FRYL: variants seen among roughly 807,000 people sequenced by gnomAD.
FRYL encodes the protein protein furry homolog-like.
In FRYL, 150 loss-of-function variants were observed where a neutral mutation model predicts 351.2. That is an observed-to-expected ratio of 0.43 (90% CI 0.37 to 0.49). FRYL has a LOEUF of 0.49. Ranked by LOEUF, FRYL falls within the 20% of genes least tolerant of loss-of-function variation. The pLI, the probability that FRYL is intolerant of heterozygous loss-of-function variation, is 0.00. For synonymous variants in FRYL, 1,153 were observed against 1,257.1 expected (o/e 0.92, Z 1.75); for missense variants, 3,036 against 3,619.3 (o/e 0.84, Z 4.13).
At chr4:48,546,975 T>C (rs1363957984) in intron 41 of FRYL, among the ~76,000 whole-genome samples, 1 of 6,140 alleles carries the variant, frequency 1.6e-4, no homozygotes, top group Admixed American at 2.9e-3. Context: ...CACTGTATGA[T>C]TAGAAAAAAA....
intron 1 of FRYL, among the ~76,000 whole-genome samples, chr4:48,742,973 ATTTTTTTTTTTTT>A: frequency 2.4e-5 from 2 of 81,750 alleles, no homozygotes; most frequent in African/African-American, 8.9e-5. Flanking sequence ...CGCCTGGATA[ATTTTTTTTTTTTT>A]TTTTTTTTTT....
intron 1 of FRYL, among the ~76,000 whole-genome samples, chr4:48,718,770 A>AT (rs1165586240): frequency 6.6e-6 from 1 of 151,240 alleles, no homozygotes; most frequent in Non-Finnish European, 1.5e-5. Context: ...TTTTTTTCAC[A>AT]TATCTCTCAG....
chr4:48,504,738 A>C (rs1720526644), intron 60 of FRYL, among the ~76,000 whole-genome samples: 1 of 152,162 alleles, frequency 6.6e-6, no homozygotes, highest in African/African-American at 2.4e-5. Flanking sequence ...CTGAGTTGTA[A>C]GGATAAAGAA....
chr4:48,527,659 GC>G lies in FRYL; in HGVS notation c.7141-7del. 6.8e-7 allele frequency: 1 copy of G among 1,479,292 alleles called. No individual in the cohort carries two copies. 91.6% of individuals were successfully genotyped at this position (1,479,292 alleles called of 1,614,324 possible). ...TCATTAGAAGAAAATACAACCTGAT[GC>G]CCGATTAAAAAAAAAAAAAAAGTCC... On this transcript the variant is annotated splice_polypyrimidine_tract_variant and splice_region_variant and intron_variant, in intron 52 of 63. Transcript: ENST00000358350.
chr4:48,628,464 T>TGTGTGTGTG, intron 4 of FRYL, among the ~76,000 whole-genome samples: 2 of 49,640 alleles, frequency 4.0e-5, no homozygotes, highest in Non-Finnish European at 1.1e-4. Context: ...GTGTGTGTGT[T>TGTGTGTGTG]TAAAGGTGAT....
chr4:48,540,801 G>A lies in FRYL; in HGVS notation c.5847C>T (p.Asp1949=), dbSNP rs1729988651. The A allele has an allele frequency of 3.7e-6, 6 of 1,613,820 alleles. No homozygotes were observed. In the East Asian group the frequency reaches 1.3e-4, roughly 36 times the overall value. Residue 1949 remains aspartate, a synonymous_variant, in exon 46 of 64, where the codon GAC becomes GAT. Transcript: ENST00000358350. ...SNSLRLSLIG[D]RRGDRRRSNT... The stretch of plus-strand genomic sequence containing the variant: ...TACTCCGCCGCCGGTCACCTCGTCG[G>A]TCACCAATCAAACTTAATCTCAAAG...
chr4:48,516,064 T>C (rs1243990078), intron 55 of FRYL, among the ~76,000 whole-genome samples: 1 of 152,234 alleles, frequency 6.6e-6, no homozygotes, highest in African/African-American at 2.4e-5. Context: ...CCTAGACAAC[T>C]AGGGTGGCCT....
intron 15 of FRYL, among the ~76,000 whole-genome samples, chr4:48,594,961 A>G (rs1744298547): frequency 6.7e-6 from 1 of 148,730 alleles, no homozygotes; most frequent in Admixed American, 6.7e-5. Context: ...AAAAAGCTTG[A>G]GGATATAATT....
chr4:48,759,393 T>C (rs1369190160), intron 1 of FRYL, among the ~76,000 whole-genome samples: 1 of 152,208 alleles, frequency 6.6e-6, no homozygotes, highest in South Asian at 2.1e-4. Context: ...CCAATATGTA[T>C]GTTGTAGGCA....
At chr4:48,572,826 C>T (rs1408628422) in intron 26 of FRYL, among the ~76,000 whole-genome samples, 1 of 152,166 alleles carries the variant, frequency 6.6e-6, no homozygotes, top group Non-Finnish European at 1.5e-5. Flanking sequence ...GTTTTACTGG[C>T]AAACAGCCAC....
intron 19 of FRYL, among the ~76,000 whole-genome samples, chr4:48,586,130 CT>C (rs1213262219): frequency 6.6e-6 from 1 of 152,044 alleles, no homozygotes; most frequent in Non-Finnish European, 1.5e-5. Flanking sequence ...AGGTTATTTA[CT>C]CATTTTACAG....
chr4:48,761,460 T>C (rs1486157391), intron 1 of FRYL, among the ~76,000 whole-genome samples: 1 of 152,162 alleles, frequency 6.6e-6, no homozygotes, highest in African/African-American at 2.4e-5. Flanking sequence ...GTAATGCTGA[T>C]ATAAACAAAT....
At chr4:48,750,226 C>T (rs1236941299) in intron 1 of FRYL, among the ~76,000 whole-genome samples, 7 of 151,510 alleles carry the variant, frequency 4.6e-5, no homozygotes, top group Non-Finnish European at 8.8e-5. Context: ...TCTGGGAGGC[C>T]GAGGCGAACA....
chr4:48,705,277 A>G (rs1304257316), intron 2 of FRYL, among the ~76,000 whole-genome samples: 2 of 151,844 alleles, frequency 1.3e-5, no homozygotes, highest in Non-Finnish European at 2.9e-5. Flanking sequence ...TTATACCACT[A>G]TAATATACCA....
At chr4:48,665,954 A>G (rs758119114) in intron 3 of FRYL, among the ~76,000 whole-genome samples, 11 of 152,180 alleles carry the variant, frequency 7.2e-5, no homozygotes, top group Non-Finnish European at 1.6e-4. Context: ...ATATCACTCT[A>G]GTTTTAAACC....
chr4:48,745,030 T>C (rs1378060871), intron 1 of FRYL, among the ~76,000 whole-genome samples: 1 of 152,166 alleles, frequency 6.6e-6, no homozygotes, highest in African/African-American at 2.4e-5. Context: ...TTTATAGGGA[T>C]TGGCAAGAAA....
At chr4:48,714,050 A>C (rs1578806645) in intron 1 of FRYL, among the ~76,000 whole-genome samples, 1 of 152,036 alleles carries the variant, frequency 6.6e-6, no homozygotes. Flanking sequence ...GAAGGCAGAA[A>C]TAAAGATGTT....
intron 1 of FRYL, among the ~76,000 whole-genome samples, chr4:48,724,879 T>C (rs2149614451): frequency 6.6e-6 from 1 of 152,352 alleles, no homozygotes; most frequent in East Asian, 1.9e-4. Context: ...TTATTTTACA[T>C]CCATGTTGAG....
intron 2 of FRYL, among the ~76,000 whole-genome samples, chr4:48,702,493 A>C (rs1233848376): frequency 9.2e-6 from 1 of 108,462 alleles, no homozygotes; most frequent in African/African-American, 3.6e-5. Flanking sequence ...AAAAAAAAAA[A>C]TGCTGGGCGC....
Sources: gnomAD v4.1 joint callset for allele counts (sites outside exome capture counted in the v4.1 genomes callset) on GRCh38, gnomAD v4.1.1 for gene constraint, MANE v1.5 for transcripts, NCBI Gene and HGNC (gene_info 2026-07-23, HGNC 2026-07-21) for gene names.